Variants in AKAP10 observed in about 807,000 individuals in gnomAD.
AKAP10 encodes A-kinase anchor protein 10, mitochondrial.
AKAP10 carries 24 observed loss-of-function variants against 80.8 expected under a neutral mutation model. The ratio of observed to expected loss-of-function variants is 0.30; its 90% CI spans 0.22 to 0.42. The LOEUF (loss-of-function observed/expected upper bound fraction) is 0.42, where lower values mean the gene tolerates loss of function less well. AKAP10 is among the 10% of genes least tolerant of loss of function. The probability of loss-of-function intolerance (pLI) is 1.00; values close to 1 mark genes in which losing one functional copy is unlikely to be tolerated. For synonymous variants in AKAP10, 291 were observed against 277.7 expected (o/e 1.05, Z -0.48); for missense variants, 661 against 794.9 (o/e 0.83, Z 2.03).
At chr17:19,941,581 A>G (rs1338149357) in intron 6 of AKAP10, among the ~76,000 whole-genome samples, 1 of 152,218 alleles carries the variant, frequency 6.6e-6, no homozygotes, top group Non-Finnish European at 1.5e-5. Flanking sequence ...TTTCAGAACT[A>G]AAAACAAATT....
chr17:19,941,926 TA>T lies in AKAP10; in HGVS notation c.977-17del. ...CAAATCCTTGCTGCAAAAGAAGTTG[TA>T]AATAATTAAATTGCCACTAAATTCA... On this transcript the variant is annotated splice_polypyrimidine_tract_variant and intron_variant, in intron 5 of 14. Transcript: ENST00000225737. 6.2e-7 allele frequency: 1 copy of T among 1,605,470 alleles called. No homozygotes were observed. The highest frequency in any genetic ancestry group is 1.3e-5 in the African/African-American group (1 of 74,810).
chr17:19,938,474 T>C (rs1401827026), intron 8 of AKAP10, among the ~76,000 whole-genome samples: 1 of 151,362 alleles, frequency 6.6e-6, no homozygotes, highest in African/African-American at 2.4e-5. Flanking sequence ...TGACCTCAAG[T>C]AATCCGCCTG....
intron 10 of AKAP10, among the ~76,000 whole-genome samples, chr17:19,926,873 C>A (rs993461756): frequency 5.3e-5 from 8 of 152,202 alleles, no homozygotes; most frequent in African/African-American, 1.9e-4. Context: ...GTAATCCCAG[C>A]ACTTTGGGAG....
At position 19,976,258 on chromosome 17, in the gene AKAP10, G is replaced by A. The variant is rs149324993; in HGVS notation, c.88+1334C>T. Among the ~76,000 whole-genome samples, 400 of 152,132 alleles carry A rather than the reference G, an allele frequency of 2.6e-3. 1 individual carries two copies. Among genetic ancestry groups the A allele is most frequent in the African/African-American group, 9.1e-3 (378 of 41,514 alleles). On this transcript the variant is annotated intron_variant, in intron 1 of 14. Transcript: ENST00000225737. ...TCCTGGCACTTTGGGAGGCCGAGGT[G>A]GGAGGCCCACTTGAGGTCAGGGGTT...
chr17:19,921,871 T>C (rs2042821432), intron 11 of AKAP10, among the ~76,000 whole-genome samples: 1 of 152,118 alleles, frequency 6.6e-6, no homozygotes, highest in Admixed American at 6.6e-5. Context: ...TTATAGTAAA[T>C]ATTACATACG....
intron 5 of AKAP10, among the ~76,000 whole-genome samples, chr17:19,944,856 A>G (rs988531286): frequency 6.6e-6 from 1 of 152,218 alleles, no homozygotes; most frequent in Non-Finnish European, 1.5e-5. Flanking sequence ...CTCACATAAA[A>G]ACAGTAATTA....
chr17:19,930,977 G>A (rs551265466), intron 10 of AKAP10, among the ~76,000 whole-genome samples: 13 of 152,048 alleles, frequency 8.5e-5, no homozygotes, highest in Non-Finnish European at 1.5e-4. Flanking sequence ...CCAAAGTGCT[G>A]GGATTACAGG....
intron 3 of AKAP10, 70 bp from the exon 4 acceptor site, chr17:19,958,641 A>C: frequency 1.5e-6 from 2 of 1,322,112 alleles, no homozygotes; most frequent in Non-Finnish European, 2.1e-6. Flanking sequence ...TTAGTCAATC[A>C]CTTTTAGCAA....
intron 9 of AKAP10, among the ~76,000 whole-genome samples, chr17:19,932,344 C>T (rs1193918447): frequency 6.6e-6 from 1 of 150,528 alleles, no homozygotes; most frequent in East Asian, 2.0e-4. Context: ...CCCAGCTACT[C>T]GGGAGGCCTG....
At chr17:19,910,868 T>A (rs566296258) in intron 12 of AKAP10, among the ~76,000 whole-genome samples, 233 of 152,316 alleles carry the variant, frequency 1.5e-3, no homozygotes, top group African/African-American at 5.5e-3. Flanking sequence ...CTAGGATGTA[T>A]AAGCCCACAT....
intron 10 of AKAP10, among the ~76,000 whole-genome samples, chr17:19,924,824 T>TCC (rs990034033): frequency 6.6e-6 from 1 of 152,046 alleles, no homozygotes; most frequent in Non-Finnish European, 1.5e-5. Flanking sequence ...CCAGGACTCC[T>TCC]CCCACCTCAG....
At chr17:19,965,874 T>G (rs963168311) in intron 2 of AKAP10, among the ~76,000 whole-genome samples, 2 of 152,160 alleles carry the variant, frequency 1.3e-5, no homozygotes, top group South Asian at 2.1e-4. Flanking sequence ...TTTTTGGATA[T>G]TATTTCATCT....
intron 3 of AKAP10, among the ~76,000 whole-genome samples, 183 bp from the exon 4 acceptor site, chr17:19,958,754 G>C (rs2043312695): frequency 6.7e-6 from 1 of 150,074 alleles, no homozygotes. Context: ...AAGTACAATC[G>C]TCCAAAACTT....
rs1264983029 is a variant in AKAP10, at chr17:19,949,776, A to T, written c.878-2271T>A. ...AAAGAGAGACTCTGTCTCAAAAAAA[A>T]AAGAGAAAAAAAAAAAAAAACGGTG... is the stretch of plus-strand genomic sequence containing the variant. On this transcript the variant is annotated intron_variant, in intron 4 of 14. Coordinates refer to ENST00000225737, the MANE Select transcript of AKAP10 (RefSeq NM_007202.4). Among the ~76,000 whole-genome samples, 4 of 123,408 alleles carry T rather than the reference A, an allele frequency of 3.2e-5. No individual in the cohort carries two copies. In the Admixed American group the frequency reaches 3.3e-4, roughly 10 times the overall value. The allele number at this position is 123,408 out of a possible 152,430, so 81.0% of individuals were successfully genotyped here. A position where few individuals can be genotyped will look rare whatever the true frequency, so the allele number is the denominator to read the frequency against.
At chr17:19,945,334 C>CA (rs533837947) in intron 5 of AKAP10, among the ~76,000 whole-genome samples, 10 of 151,142 alleles carry the variant, frequency 6.6e-5, no homozygotes, top group Non-Finnish European at 1.2e-4. Context: ...AGACTCCCCT[C>CA]AAAAAAAAAT....
At position 19,947,411 on chromosome 17, in the gene AKAP10, G is replaced by A. The variant is rs753341037; in HGVS notation, c.972C>T (p.Ile324=). The part of the protein sequence containing the change: ...IPITEAMRND[I]IARICGEDGQ... ...ATAGTTTCAAGCACTGCTTACCTAT[G>A]ATGTCATTTCTCATTGCTTCTGTAA... is the stretch of plus-strand genomic sequence containing the variant. Residue 324 remains isoleucine (I), a synonymous_variant, in exon 5 of 15, where the codon ATC becomes ATT. Transcript: ENST00000225737. The A allele has an allele frequency of 1.2e-6, 2 of 1,601,832 alleles. No individual in the cohort carries two copies. The highest frequency in any genetic ancestry group is 1.1e-5 in the South Asian group (1 of 90,702).
chr17:19,914,687 T>C (rs1195471547), intron 12 of AKAP10, among the ~76,000 whole-genome samples: 1 of 134,598 alleles, frequency 7.4e-6, no homozygotes, highest in African/African-American at 2.8e-5. Context: ...TGGTAGTGAG[T>C]GGTATATACA....
At chr17:19,906,931 T>C (rs1301187335) in intron 14 of AKAP10, among the ~76,000 whole-genome samples, 2 of 152,150 alleles carry the variant, frequency 1.3e-5, no homozygotes, top group African/African-American at 4.8e-5. Flanking sequence ...AATGAGGACA[T>C]GAGGAACTAA....
chr17:19,935,036 A>G (rs896447437), intron 9 of AKAP10, among the ~76,000 whole-genome samples: 1 of 150,278 alleles, frequency 6.7e-6, no homozygotes, highest in African/African-American at 2.4e-5. Context: ...TCAATCAATC[A>G]ATAAACAGAA....
Sources: gnomAD v4.1 joint callset for allele counts (sites outside exome capture counted in the v4.1 genomes callset) on GRCh38, gnomAD v4.1.1 for gene constraint, MANE v1.5 for transcripts, NCBI Gene and HGNC (gene_info 2026-07-23, HGNC 2026-07-21) for gene names.